ESR1: variants seen among roughly 807,000 people sequenced by gnomAD.
The protein encoded by ESR1 is estrogen receptor.
A neutral mutation model predicts 52.7 loss-of-function variants in ESR1; 12 were observed. That is an observed-to-expected ratio of 0.23 (90% CI 0.15 to 0.37). The LOEUF (loss-of-function observed/expected upper bound fraction) is 0.37. Ranked by LOEUF, ESR1 falls within the 10% of genes least tolerant of loss-of-function variation. The probability of loss-of-function intolerance (pLI) is 1.00; values close to 1 mark genes in which losing one functional copy is unlikely to be tolerated. For missense variants in ESR1, 584 were observed against 779.7 expected (o/e 0.75, Z 2.99); for synonymous variants, 305 against 316.8 (o/e 0.96, Z 0.39).
chr6:151,951,779 T>G (rs1304977200), intron 4 of ESR1, among the ~76,000 whole-genome samples: 1 of 152,232 alleles, frequency 6.6e-6, no homozygotes, highest in Non-Finnish European at 1.5e-5. Flanking sequence ...TGTTAAACTT[T>G]TAGCCTCTGC....
chr6:152,055,526 C>T (rs1033530081), intron 5 of ESR1, among the ~76,000 whole-genome samples: 1 of 152,176 alleles, frequency 6.6e-6, no homozygotes, highest in African/African-American at 2.4e-5. Flanking sequence ...CTTCCATGCC[C>T]AAGACCCTTT....
Sources: gnomAD v4.1 joint callset for allele counts (sites outside exome capture counted in the v4.1 genomes callset) on GRCh38, gnomAD v4.1.1 for gene constraint, MANE v1.5 for transcripts, NCBI Gene and HGNC (gene_info 2026-07-23, HGNC 2026-07-21) for gene names.